NT5C3A: variants seen among roughly 807,000 people sequenced by gnomAD.
NT5C3A encodes 5'-nucleotidase, cytosolic IIIA.
A neutral mutation model predicts 40.0 loss-of-function variants in NT5C3A; 23 were observed. The observed-to-expected ratio is 0.58, with a 90% CI of 0.41 to 0.81. The LOEUF (loss-of-function observed/expected upper bound fraction) is 0.81. Among genes scored for constraint, NT5C3A ranks in the 40% least tolerant of loss-of-function variants. The pLI is 0.00. For synonymous variants in NT5C3A, 130 were observed against 141.4 expected, an observed-to-expected ratio of 0.92 and a Z score of 0.57; for missense variants, 328 against 403.0, an observed-to-expected ratio of 0.81 and a Z score of 1.59.
chr7:33,044,111 C>G (rs553693086), intron 1 of NT5C3A, among the ~76,000 whole-genome samples: 72 of 151,936 alleles, frequency 4.7e-4, no homozygotes, highest in Admixed American at 1.5e-3. Context: ...ACCGCAACCT[C>G]TGCCTTCCCA....
intron 2 of NT5C3A, among the ~76,000 whole-genome samples, chr7:33,025,388 A>C (rs1264062740): frequency 1.3e-5 from 2 of 152,214 alleles, no homozygotes; most frequent in Non-Finnish European, 2.9e-5. Context: ...ATGCACATTG[A>C]AATAGCTGGC....
rs1014424877 is a variant in NT5C3A at position 33,040,787 on chromosome 7, A to G, written c.139-13872T>C. On this transcript the variant is annotated intron_variant, in intron 1 of 8. Transcript: ENST00000610140. The stretch of plus-strand genomic sequence containing the variant: ...CCTAAGTTTGTATTTCAAAATGCCC[A>G]AAATTTCAGTAAGTTATAGAATCAA... 3 of 712,536 alleles carry G rather than the reference A, an allele frequency of 4.2e-6. No individual in the cohort carries two copies. In the Admixed American group the frequency reaches 1.9e-4, roughly 45 times the overall value. The allele number at this position is 712,536 out of a possible 1,614,324, so 44.1% of individuals were successfully genotyped here.
intron 1 of NT5C3A, among the ~76,000 whole-genome samples, chr7:33,051,979 G>T (rs943677482): frequency 2.0e-5 from 3 of 152,148 alleles, no homozygotes; most frequent in Admixed American, 2.0e-4. Context: ...GTTAAAGGAT[G>T]AAAAAGTTGA....
chr7:33,022,113 G>A lies in NT5C3A; in HGVS notation c.308-14C>T. ...TGTCAATGATATCTAAAGATAGAAA[G>A]CAAAATAAGCATTAAAAGAAATACT... On this transcript the variant is annotated splice_polypyrimidine_tract_variant and intron_variant, in intron 3 of 8. Transcript: ENST00000610140. 1.5e-6 allele frequency: 2 copies of A among 1,366,934 alleles called. No individual in the cohort carries two copies. Among genetic ancestry groups the A allele is most frequent in the African/African-American group, 1.4e-5 (1 of 70,156 alleles). 84.7% of individuals were successfully genotyped at this position (1,366,934 alleles called of 1,614,324 possible).
chr7:33,040,946 G>A (rs1786883965), intron 1 of NT5C3A: 1 of 985,286 alleles, frequency 1.0e-6, no homozygotes, highest in Non-Finnish European at 1.2e-6. Flanking sequence ...ATAGCACAAG[G>A]TGCAACTGAG....
At chr7:33,028,826 T>C (rs1321189190) in intron 1 of NT5C3A, among the ~76,000 whole-genome samples, 1 of 151,944 alleles carries the variant, frequency 6.6e-6, no homozygotes, top group Non-Finnish European at 1.5e-5. Context: ...GAGGTCGAGG[T>C]GGGCAGATCA....
At chr7:33,039,660 G>A (rs1272721307) in intron 1 of NT5C3A, among the ~76,000 whole-genome samples, 3 of 144,700 alleles carry the variant, frequency 2.1e-5, no homozygotes, top group Admixed American at 1.5e-4. Flanking sequence ...TAATTTGGTG[G>A]GGCATTTAAA....
chr7:33,032,967 G>A (rs1583928433), intron 1 of NT5C3A, among the ~76,000 whole-genome samples: 1 of 152,122 alleles, frequency 6.6e-6, no homozygotes, highest in African/African-American at 2.4e-5. Context: ...GCCCAGGCTG[G>A]TCTCAAACTC....
chr7:33,015,746 G>C lies in NT5C3A; in HGVS notation c.818C>G (p.Ser273Cys). ...DNSNIILLGD[S>C]QGDLRMADGV... Reference sequence around the variant, plus strand: ...ATCTGCCATTCTTAAGTCTCCTTGGGAGTCTCCCAGAAGAATTATGTTACT... The same window carrying C: ...ATCTGCCATTCTTAAGTCTCCTTGGCAGTCTCCCAGAAGAATTATGTTACT... Residue 273 changes from serine (S) to cysteine (C), a missense_variant, in exon 8 of 9, where the codon TCC (serine) becomes TGC (cysteine). By Grantham distance (112) the Ser-to-Cys change is moderately radical. This residue lies in a region of NT5C3A where 12 missense variants were observed against 34.7 expected (regional missense o/e 0.35). Transcript: ENST00000610140. 1 of 1,611,332 alleles carries C rather than the reference G, an allele frequency of 6.2e-7. No homozygotes were observed. Among genetic ancestry groups the C allele is most frequent in the Non-Finnish European group, 8.5e-7 (1 of 1,177,478 alleles).
intron 1 of NT5C3A, among the ~76,000 whole-genome samples, chr7:33,046,715 A>T (rs1787171957): frequency 6.6e-6 from 1 of 152,122 alleles, no homozygotes; most frequent in African/African-American, 2.4e-5. Context: ...AGAAAATAGG[A>T]TGTAAGACAA....
chr7:33,035,189 G>GTTTTTTTTT, intron 1 of NT5C3A, among the ~76,000 whole-genome samples: 1 of 106,204 alleles, frequency 9.4e-6, no homozygotes, highest in Non-Finnish European at 1.8e-5. Context: ...TAAGGAATGA[G>GTTTTTTTTT]TTTTTTTTTT....
intron 1 of NT5C3A, among the ~76,000 whole-genome samples, chr7:33,040,526 C>T (rs984448178): frequency 6.6e-6 from 1 of 152,208 alleles, no homozygotes; most frequent in Non-Finnish European, 1.5e-5. Flanking sequence ...AACTGAGTCA[C>T]ATAGCCAACT....
In NT5C3A at chr7:33,017,498, CT is replaced by C. The variant is rs1785400524; in HGVS notation, c.633del (p.Ala212LeufsTer30). ...IGDVLEEVIRQAGVYHPNVKV... is the reference protein window; with the variant it reads ...IGDVLEEVIRXAGVYHPNVKV... ...TTGACATTGGGATGATAAACACCAG[CT>C]TGACGAATAACTTCCTCTAGTACAT... On this transcript the variant is annotated frameshift_variant, in exon 7 of 9. Coordinates refer to ENST00000610140, the MANE Select transcript of NT5C3A (RefSeq NM_001002010.5). LOFTEE classifies it high-confidence loss of function. 1 of 1,613,594 alleles carries C rather than the reference CT, an allele frequency of 6.2e-7. No individual in the cohort carries two copies. Among genetic ancestry groups the C allele is most frequent in the Non-Finnish European group, 8.5e-7 (1 of 1,179,646 alleles).
At chr7:33,049,339 G>GT (rs1787272107) in intron 1 of NT5C3A, among the ~76,000 whole-genome samples, 1 of 152,104 alleles carries the variant, frequency 6.6e-6, no homozygotes, top group South Asian at 2.1e-4. Flanking sequence ...GAAAAGTTTA[G>GT]TATCTTGTCC....
Position 33,062,653 on chromosome 7 carries a change from C to A in NT5C3A, c.53G>T (p.Cys18Phe). ...RVGAVASASV[C>F]ALVAGVVLAQ... ...CAGCACCACCCCCGCCACCAGGGCG[C>A]ACACGCTGGCGCTCGCTACCGCGCC... The change falls in exon 1 of 9, where the codon TGC (cysteine) becomes TTC (phenylalanine). Residue 18 changes from cysteine (C) to phenylalanine (F), a missense_variant. Transcript: ENST00000610140. 5.0e-6 allele frequency: 8 copies of A among 1,594,126 alleles called. No individual in the cohort carries two copies. The highest frequency in any genetic ancestry group is 2.0e-4 in the Middle Eastern group (1 of 4,936).
intron 1 of NT5C3A, among the ~76,000 whole-genome samples, chr7:33,055,266 A>C (rs1410084255): frequency 6.6e-6 from 1 of 152,024 alleles, no homozygotes; most frequent in Non-Finnish European, 1.5e-5. Context: ...CAGAGGTTGC[A>C]GTGAGCTGAG....
chr7:33,028,919 G>A (rs1195194473), intron 1 of NT5C3A, among the ~76,000 whole-genome samples: 1 of 151,970 alleles, frequency 6.6e-6, no homozygotes, highest in African/African-American at 2.4e-5. Context: ...GCTGGGCGTG[G>A]TGGCGGGTGC....
chr7:33,035,851 C>T, intron 1 of NT5C3A: 1 of 1,081,218 alleles, frequency 9.2e-7, no homozygotes, highest in African/African-American at 1.5e-5. Context: ...ATTTCAGTCC[C>T]ATAATTATCT....
intron 2 of NT5C3A, among the ~76,000 whole-genome samples, chr7:33,026,127 G>A (rs1158121061): frequency 6.6e-6 from 1 of 152,134 alleles, no homozygotes; most frequent in Non-Finnish European, 1.5e-5. Flanking sequence ...AGAGGTTGCA[G>A]TGAGCTGAGA....
Sources: allele counts gnomAD v4.1 joint callset (sites outside exome capture counted in the v4.1 genomes callset), GRCh38; gene constraint gnomAD v4.1.1; regional missense constraint gnomAD v4.1.1; transcripts MANE v1.5; gene names NCBI Gene and HGNC (gene_info 2026-07-23, HGNC 2026-07-21).